TRIM66: variants seen among roughly 807,000 people sequenced by gnomAD.
TRIM66 encodes tripartite motif containing 66.
Under a neutral mutation model 148.2 loss-of-function variants are expected in TRIM66, and 99 were observed. That is an observed-to-expected ratio of 0.67 (90% CI 0.57 to 0.79). TRIM66 has a LOEUF of 0.79. Ranked by LOEUF, TRIM66 falls within the 30% of genes least tolerant of loss-of-function variation. The pLI, the probability that TRIM66 is intolerant of heterozygous loss-of-function variation, is 0.00. For synonymous variants in TRIM66, 616 were observed against 635.9 expected (o/e 0.97, Z 0.47); for missense variants, 1,666 against 1,697.9 (o/e 0.98, Z 0.33).
Position 8,622,840 on chromosome 11 carries a change from T to G in TRIM66, c.3056A>C (p.Asp1019Ala). 1.9e-6 allele frequency: 3 copies of G among 1,552,036 alleles called. No individual in the cohort carries two copies. Among genetic ancestry groups the G allele is most frequent in the Non-Finnish European group, 1.7e-6 (2 of 1,147,080 alleles). Reference sequence around the variant, plus strand: ...CCTGATGCTCTGGTTCTCTTTTGCATCCAGCTCTAGGGCTCCTTGTTCAAA... The same window carrying G: ...CCTGATGCTCTGGTTCTCTTTTGCAGCCAGCTCTAGGGCTCCTTGTTCAAA... ...ENFEQGALEL[D>A]AKENQSIRAF... Residue 1019 changes from aspartate to alanine, a missense_variant, in exon 18 of 25, where the codon GAT (aspartate) becomes GCT (alanine). Around this residue, in one of 3 missense-constraint regions of TRIM66, gnomAD observed 1,431 missense variants for 1,412.4 expected, o/e 1.01. Transcript: ENST00000646038.
rs747564803 is a variant in TRIM66 at position 8,621,116 on chromosome 11, T to C, written c.3461A>G (p.Asn1154Ser). 1.5e-5 allele frequency: 23 copies of C among 1,551,732 alleles called. No homozygotes were observed. The highest frequency in any genetic ancestry group is 1.7e-5 in the Non-Finnish European group (20 of 1,146,996). The change falls in exon 20 of 25, where the codon AAT becomes AGT. Residue 1154 changes from asparagine (N) to serine (S), a missense_variant. Around this residue, in one of 3 missense-constraint regions of TRIM66, gnomAD observed 1,431 missense variants for 1,412.4 expected, o/e 1.01. Coordinates refer to ENST00000646038, the MANE Select transcript of TRIM66 (RefSeq NM_001388022.1). ...GTCACAGCACAGTAACTCTCCGCCA[T>C]TGAGGCAAACAGCACAGAAGTCCTC... ...ENEDFCAVCLNGGELLCCDRC... is the reference protein window; with the variant it reads ...ENEDFCAVCLSGGELLCCDRC...
chr11:8,681,609 T>TGAACACTGGTTGAAGGAACCGACTTA (rs1170828075), intron 1 of TRIM66, among the ~76,000 whole-genome samples: 2 of 152,016 alleles, frequency 1.3e-5, no homozygotes, highest in Non-Finnish European at 2.9e-5. Flanking sequence ...GATGGGATCT[T>TGAACACTGGTTGAAGGAACCGACTTA]GAACACTGGT....
chr11:8,621,198 T>C lies in TRIM66; in HGVS notation c.3379A>G (p.Arg1127Gly). The change falls in exon 20 of 25, where the codon AGA becomes GGA. Residue 1127 changes from arginine to glycine, a missense_variant. Around this residue, in one of 3 missense-constraint regions of TRIM66, gnomAD observed 1,431 missense variants for 1,412.4 expected, o/e 1.01. Transcript: ENST00000646038. ...EVEGTSPEEH[R>G]LIPRTPGAKK... Reference sequence around the variant, plus strand: ...GCTCCTGGGGTTCGAGGAATGAGTCTGTGTTCTTCAGGAGATGTGCCCTCC... The same window carrying C: ...GCTCCTGGGGTTCGAGGAATGAGTCCGTGTTCTTCAGGAGATGTGCCCTCC... 1 of 1,551,720 alleles carries C rather than the reference T, an allele frequency of 6.4e-7. No individual in the cohort carries two copies. The highest frequency in any genetic ancestry group is 8.7e-7 in the Non-Finnish European group (1 of 1,146,990).
chr11:8,651,200 A>C (rs1412304261), intron 7 of TRIM66, among the ~76,000 whole-genome samples: 1 of 152,216 alleles, frequency 6.6e-6, no homozygotes, highest in Non-Finnish European at 1.5e-5. Flanking sequence ...CCTAATATCC[A>C]GCACAGGGTC....
intron 6 of TRIM66, among the ~76,000 whole-genome samples, chr11:8,663,874 G>A (rs1043126568): frequency 6.6e-6 from 1 of 151,938 alleles, no homozygotes; most frequent in African/African-American, 2.4e-5. Flanking sequence ...AGCCAGGTAC[G>A]GAAAGACAAA....
In TRIM66 at chr11:8,616,627, T is replaced by C. The variant is rs1044875678; in HGVS notation, c.*1317A>G. On this transcript the variant is annotated 3_prime_UTR_variant, in exon 25 of 25. Transcript: ENST00000646038. Reference sequence around the variant, plus strand: ...ATGCAGCCTCGAGCTCCTGTTCCCATGGCTTCCAGAATGCTTCTCTCTGCA... The same window carrying C: ...ATGCAGCCTCGAGCTCCTGTTCCCACGGCTTCCAGAATGCTTCTCTCTGCA... 3 of 152,206 alleles carry C rather than the reference T, an allele frequency of 2.0e-5. No homozygotes were observed. Among genetic ancestry groups the C allele is most frequent in the African/African-American group, 4.8e-5 (2 of 41,462 alleles). 9.4% of individuals were successfully genotyped at this position (152,206 alleles called of 1,614,324 possible).
rs1442139189 is a variant in TRIM66 at position 8,671,923 on chromosome 11, C to T, written c.203G>A (p.Cys68Tyr). 4 of 1,536,150 alleles carry T rather than the reference C, an allele frequency of 2.6e-6. No homozygotes were observed. Among genetic ancestry groups the T allele is most frequent in the African/African-American group, 2.7e-5 (2 of 73,174 alleles). Residue 68 changes from cysteine (C) to tyrosine (Y), a missense_variant, in exon 6 of 25, where the codon TGC (cysteine) becomes TAC (tyrosine). Physicochemically the swap from Cys to Tyr is radical, Grantham distance 194 (BLOSUM62 -2). This residue lies in a region of TRIM66 where 1,431 missense variants were observed against 1,412.4 expected (regional missense o/e 1.01). Coordinates refer to ENST00000646038, the MANE Select transcript of TRIM66 (RefSeq NM_001388022.1). ...SGQMEAMVMT[C>Y]SLCHQDLPGM... is the part of the protein sequence containing the mutation. ...TGGCAGGTCCTGATGGCACAATGAG[C>T]AGGTCATTACCATGGCCTCCATCTG...
In TRIM66 at chr11:8,664,204, C is replaced by T. The variant is rs577988996; in HGVS notation, c.340+7582G>A. Among the ~76,000 whole-genome samples, 29 of 152,274 alleles carry T rather than the reference C, an allele frequency of 1.9e-4. No homozygotes were observed. In the South Asian group the frequency reaches 2.1e-3, roughly 11 times the overall value. On this transcript the variant is annotated intron_variant, in intron 6 of 24. Transcript: ENST00000646038. ...CTGGCTAGATTTAGTCATTCTGCAACGTATCTATACTTCAAAACATCATGT... is the reference window on the plus strand; with the variant it reads ...CTGGCTAGATTTAGTCATTCTGCAATGTATCTATACTTCAAAACATCATGT...
intron 6 of TRIM66, among the ~76,000 whole-genome samples, chr11:8,652,740 T>C (rs538532256): frequency 5.7e-4 from 87 of 152,296 alleles, no homozygotes; most frequent in African/African-American, 2.1e-3. Flanking sequence ...AAGGTACCTG[T>C]GTCCAGGGAT....
At chr11:8,660,454 CAG>C (rs1193696236) in intron 6 of TRIM66, among the ~76,000 whole-genome samples, 9 of 152,194 alleles carry the variant, frequency 5.9e-5, no homozygotes, top group African/African-American at 2.2e-4. Flanking sequence ...GAACCTAAAA[CAG>C]GGGTCAGAAA....
intron 6 of TRIM66, among the ~76,000 whole-genome samples, chr11:8,656,450 C>A (rs573822466): frequency 6.6e-6 from 1 of 152,284 alleles, no homozygotes; most frequent in South Asian, 2.1e-4. Flanking sequence ...CATGATTATC[C>A]TCAGGAGATG....
At chr11:8,646,628 C>A (rs1312520636) in intron 10 of TRIM66, 67 bp from the exon 11 acceptor site, 1 of 1,322,346 alleles carries the variant, frequency 7.6e-7, no homozygotes, top group Non-Finnish European at 1.1e-6. Context: ...GAAGAGACAG[C>A]AAACATAAGA....
intron 4 of TRIM66, among the ~76,000 whole-genome samples, chr11:8,673,220 G>A (rs575166103): frequency 6.6e-6 from 1 of 152,114 alleles, no homozygotes; most frequent in East Asian, 1.9e-4. Flanking sequence ...GAGCCACCGA[G>A]CCCGGCCCAC....
chr11:8,646,985 G>A (rs979675627), intron 10 of TRIM66, among the ~76,000 whole-genome samples: 2 of 150,736 alleles, frequency 1.3e-5, no homozygotes, highest in South Asian at 2.1e-4. Flanking sequence ...GGGGAATGGA[G>A]AGTGACTAAT....
intron 15 of TRIM66, among the ~76,000 whole-genome samples, chr11:8,627,893 C>T (rs144317515): frequency 6.6e-6 from 1 of 152,342 alleles, no homozygotes; most frequent in African/African-American, 2.4e-5. Context: ...GGCACAACCA[C>T]AGCTCACTGC....
At chr11:8,672,512 G>T in intron 4 of TRIM66, 127 bp from the exon 5 acceptor site, 2 of 1,080,082 alleles carry the variant, frequency 1.9e-6, no homozygotes, top group Non-Finnish European at 2.5e-6. Flanking sequence ...AGAGGGACAG[G>T]CTGAGGAAAC....
At chr11:8,638,145 G>C (rs2036051615) in intron 15 of TRIM66, among the ~76,000 whole-genome samples, 1 of 152,170 alleles carries the variant, frequency 6.6e-6, no homozygotes, top group Non-Finnish European at 1.5e-5. Flanking sequence ...CCAACTCTGG[G>C]TTGTGGAGGC....
intron 15 of TRIM66, among the ~76,000 whole-genome samples, chr11:8,632,948 A>G (rs745766730): frequency 1.3e-5 from 2 of 152,234 alleles, no homozygotes; most frequent in African/African-American, 2.4e-5. Flanking sequence ...AAAAGTGCCC[A>G]GTGCCCTGAT....
At chr11:8,676,012 G>A (rs2039161901) in intron 3 of TRIM66, among the ~76,000 whole-genome samples, 1 of 152,162 alleles carries the variant, frequency 6.6e-6, no homozygotes, top group South Asian at 2.1e-4. Flanking sequence ...TTACAGGCGT[G>A]AGCCACCACA....
Sources: allele counts gnomAD v4.1 joint callset (sites outside exome capture counted in the v4.1 genomes callset), GRCh38; gene constraint gnomAD v4.1.1; regional missense constraint gnomAD v4.1.1; transcripts MANE v1.5; gene names NCBI Gene and HGNC (gene_info 2026-07-23, HGNC 2026-07-21).